The following MAD1L1 variants were observed in gnomAD, a reference collection of about 807,000 sequenced individuals.
MAD1L1 encodes mitotic spindle assembly checkpoint protein MAD1.
Under a neutral mutation model 96.9 loss-of-function variants are expected in MAD1L1, and 95 were observed. The ratio of observed to expected loss-of-function variants is 0.98; its 90% confidence interval spans 0.83 to 1.16. MAD1L1 has a LOEUF of 1.16. Among genes scored for constraint, MAD1L1 ranks in the 50% most tolerant of loss-of-function variants. The pLI is 0.00. For synonymous variants in MAD1L1, 473 were observed against 396.6 expected, an observed-to-expected ratio of 1.19 and a Z score of -2.29; for missense variants, 1,007 against 954.4, an observed-to-expected ratio of 1.06 and a Z score of -0.73.
intron 10 of MAD1L1, among the ~76,000 whole-genome samples, chr7:2,189,989 G>A (rs192275839): frequency 3.9e-5 from 6 of 152,252 alleles, no homozygotes; most frequent in African/African-American, 1.4e-4. Context: ...GGAGGTCCCA[G>A]TGAGTGCACT....
Position 1,863,740 on chromosome 7 carries a change from G to A in MAD1L1, c.1998+34460C>T, listed in dbSNP as rs529489238. ...GGCCGGCCTGCAGTCCCGGAACACC[G>A]TGGGCTCCCGTGCTCCTGCAGCCCC... On this transcript the variant is annotated intron_variant, in intron 18 of 18. Coordinates refer to ENST00000265854, the MANE Select transcript of MAD1L1 (RefSeq NM_001013836.2). Among the ~76,000 whole-genome samples the A allele has an allele frequency of 3.5e-4, 54 of 152,302 alleles. No homozygotes were observed. In the South Asian group the frequency reaches 8.7e-3, roughly 25 times the overall value.
At chr7:2,113,199 C>T (rs899138638) in intron 11 of MAD1L1, among the ~76,000 whole-genome samples, 2 of 151,824 alleles carry the variant, frequency 1.3e-5, no homozygotes, top group Admixed American at 6.6e-5. Flanking sequence ...AAGAGACGGG[C>T]GGACAGAAAA....
intron 14 of MAD1L1, among the ~76,000 whole-genome samples, chr7:1,989,629 G>A (rs578105005): frequency 2.6e-5 from 4 of 152,238 alleles, no homozygotes; most frequent in East Asian, 1.9e-4. Flanking sequence ...TCCCGGCAGC[G>A]CTCCAGCCTC....
chr7:1,829,038 A>C (rs1782570996), intron 18 of MAD1L1, among the ~76,000 whole-genome samples: 1 of 152,226 alleles, frequency 6.6e-6, no homozygotes, highest in African/African-American at 2.4e-5. Flanking sequence ...AAAAAGAAAG[A>C]AAAGCGCATA....
chr7:1,916,377 G>C (rs1432444451), intron 17 of MAD1L1, among the ~76,000 whole-genome samples: 1 of 152,210 alleles, frequency 6.6e-6, no homozygotes, highest in Non-Finnish European at 1.5e-5. Context: ...CCTCAGCTGA[G>C]GACTGGATGA....
At chr7:2,056,719 A>G (rs1250048985) in intron 12 of MAD1L1, among the ~76,000 whole-genome samples, 1 of 152,204 alleles carries the variant, frequency 6.6e-6, no homozygotes, top group Non-Finnish European at 1.5e-5. Flanking sequence ...GAACCAGGAC[A>G]AGGAGTTGGT....
chr7:2,190,730 C>A lies in MAD1L1; in HGVS notation c.986+22482G>T, dbSNP rs115846413. On this transcript the variant is annotated intron_variant, in intron 10 of 18. Transcript: ENST00000265854. ...TCAACATCATTAGTCACCAGGGCAA[C>A]AGGAATGAAGGCCACAAGGAAATAC... Among the ~76,000 whole-genome samples the A allele has an allele frequency of 3.3e-3, 503 of 152,288 alleles. 5 individuals are homozygous for A. Among genetic ancestry groups the A allele is most frequent in the African/African-American group, 0.011 (461 of 41,546 alleles).
chr7:1,844,667 G>C (rs1000567940), intron 18 of MAD1L1, among the ~76,000 whole-genome samples: 2 of 152,204 alleles, frequency 1.3e-5, no homozygotes, highest in African/African-American at 4.8e-5. Flanking sequence ...CCAGGGCCCA[G>C]CACTCCTTTC....
intron 18 of MAD1L1, among the ~76,000 whole-genome samples, chr7:1,843,374 C>G (rs1178376546): frequency 6.6e-6 from 1 of 152,166 alleles, no homozygotes; most frequent in Non-Finnish European, 1.5e-5. Context: ...CCCTCACGGC[C>G]AGGGAGGCCG....
chr7:2,130,866 G>A (rs972628699), intron 11 of MAD1L1, among the ~76,000 whole-genome samples: 2 of 152,116 alleles, frequency 1.3e-5, no homozygotes, highest in Non-Finnish European at 2.9e-5. Flanking sequence ...CAACCTTCCC[G>A]GAAAGATAAA....
chr7:1,834,888 G>T (rs1451508584), intron 18 of MAD1L1, among the ~76,000 whole-genome samples: 5 of 151,822 alleles, frequency 3.3e-5, no homozygotes, highest in Non-Finnish European at 7.4e-5. Flanking sequence ...CAACCCTAAG[G>T]AATATTTATG....
chr7:2,205,255 C>T (rs984482136), intron 10 of MAD1L1, among the ~76,000 whole-genome samples: 11 of 152,038 alleles, frequency 7.2e-5, no homozygotes, highest in Non-Finnish European at 8.8e-5. Context: ...AGAACAGGCA[C>T]GGGTAAACCA....
chr7:1,839,340 T>C lies in MAD1L1; in HGVS notation c.1999-23112A>G, dbSNP rs368928438. On this transcript the variant is annotated intron_variant, in intron 18 of 18. Coordinates refer to ENST00000265854, the MANE Select transcript of MAD1L1 (RefSeq NM_001013836.2). ...CCTCCTGCCTGGCAGGAAAGCGTCC[T>C]GCCCCCTGCCTGGCAGGAAAGCGTC... Among the ~76,000 whole-genome samples, 14 of 55,716 alleles carry C rather than the reference T, an allele frequency of 2.5e-4. No individual in the cohort carries two copies. The East Asian group carries it at 6.6e-3, about 26-fold the overall frequency. The allele number at this position is 55,716 out of a possible 152,430, so 36.6% of individuals were successfully genotyped here. A position where few individuals can be genotyped will look rare whatever the true frequency, so the allele number is the denominator to read the frequency against.
intron 18 of MAD1L1, among the ~76,000 whole-genome samples, chr7:1,896,511 A>T (rs1344217695): frequency 6.6e-6 from 1 of 152,232 alleles, no homozygotes; most frequent in East Asian, 1.9e-4. Flanking sequence ...GTTTTTAAAA[A>T]GTGACACAGG....
chr7:1,831,276 T>G (rs1450064196), intron 18 of MAD1L1, among the ~76,000 whole-genome samples: 2 of 152,242 alleles, frequency 1.3e-5, no homozygotes, highest in Admixed American at 6.5e-5. Context: ...CTCTGTCATC[T>G]GTGATCTTTG....
chr7:2,008,508 C>T (rs1425017228), intron 13 of MAD1L1, among the ~76,000 whole-genome samples: 1 of 152,232 alleles, frequency 6.6e-6, no homozygotes, highest in Non-Finnish European at 1.5e-5. Flanking sequence ...AGGTTGGCTC[C>T]GCAAGGCAGT....
chr7:2,167,997 T>C (rs922831294), intron 10 of MAD1L1, among the ~76,000 whole-genome samples: 4 of 151,568 alleles, frequency 2.6e-5, no homozygotes, highest in African/African-American at 9.7e-5. Context: ...TAAAGAACAG[T>C]AAATTGGACG....
chr7:2,147,357 C>T (rs558972526), intron 11 of MAD1L1, among the ~76,000 whole-genome samples: 2 of 152,328 alleles, frequency 1.3e-5, no homozygotes, highest in Admixed American at 1.3e-4. Flanking sequence ...GCGCTCCTGG[C>T]GACGGGTGAC....
chr7:2,189,097 G>A (rs113245471), intron 10 of MAD1L1, among the ~76,000 whole-genome samples: 4 of 152,156 alleles, frequency 2.6e-5, no homozygotes, highest in Non-Finnish European at 5.9e-5. Flanking sequence ...CTAATCATTA[G>A]GGAAATGCAT....
Sources: allele counts gnomAD v4.1 joint callset (sites outside exome capture counted in the v4.1 genomes callset), GRCh38; gene constraint gnomAD v4.1.1; transcripts MANE v1.5; gene names NCBI Gene and HGNC (gene_info 2026-07-23, HGNC 2026-07-21).